Variants in GRID2 observed in about 807,000 individuals in gnomAD.
GRID2 encodes the protein glutamate receptor ionotropic, delta-2.
A neutral mutation model predicts 114.8 loss-of-function variants in GRID2; 33 were observed. The ratio of observed to expected loss-of-function variants is 0.29; its 90% CI spans 0.22 to 0.38. GRID2 has a LOEUF of 0.38. GRID2 is among the 10% of genes least tolerant of loss of function. The pLI is 1.00. For missense variants in GRID2, 1,184 were observed against 1,257.7 expected, an observed-to-expected ratio of 0.94 and a Z score of 0.89; for synonymous variants, 505 against 449.9, an observed-to-expected ratio of 1.12 and a Z score of -1.55.
chr4:93,741,175 A>ATATATATATATATATATATATATACG (rs1560963473), intron 14 of GRID2, among the ~76,000 whole-genome samples: 15 of 15,628 alleles, frequency 9.6e-4, no homozygotes, highest in African/African-American at 5.0e-3. Context: ...ATATATATAC[A>ATATATATATATATATATATATATACG]TATATATATA....
chr4:92,446,722 A>G (rs982639995), intron 1 of GRID2, among the ~76,000 whole-genome samples: 1 of 152,180 alleles, frequency 6.6e-6, no homozygotes, highest in Non-Finnish European at 1.5e-5. Flanking sequence ...GAGAACTTAC[A>G]TAGAGTTACT....
chr4:93,267,316 G>T (rs1750963161), intron 8 of GRID2, among the ~76,000 whole-genome samples: 2 of 152,142 alleles, frequency 1.3e-5, no homozygotes, highest in African/African-American at 4.8e-5. Flanking sequence ...GGCTGGGAAA[G>T]CCTGCACTCA....
At chr4:93,552,784 GC>G (rs1325409895) in intron 13 of GRID2, among the ~76,000 whole-genome samples, 6 of 41,352 alleles carry the variant, frequency 1.5e-4, no homozygotes, top group Non-Finnish European at 2.6e-4. Context: ...CCCTCCCCCA[GC>G]CCCCCACCCC....
intron 8 of GRID2, among the ~76,000 whole-genome samples, chr4:93,357,517 A>G (rs2149269723): frequency 6.6e-6 from 1 of 151,118 alleles, no homozygotes; most frequent in Admixed American, 6.6e-5. Context: ...TCCTTTTTAT[A>G]GTTTCTGCTC....
chr4:92,939,181 A>G (rs1307017850), intron 2 of GRID2, among the ~76,000 whole-genome samples: 2 of 147,516 alleles, frequency 1.4e-5, no homozygotes, highest in East Asian at 4.3e-4. Flanking sequence ...AGTCCCACCA[A>G]CAGTGTAAAA....
intron 2 of GRID2, among the ~76,000 whole-genome samples, chr4:92,959,208 G>T (rs1051233888): frequency 6.7e-6 from 1 of 149,208 alleles, no homozygotes. Context: ...CTGGTTTTTA[G>T]TACTACTATT....
At chr4:92,969,308 A>G (rs529880009) in intron 2 of GRID2, among the ~76,000 whole-genome samples, 1 of 151,876 alleles carries the variant, frequency 6.6e-6, no homozygotes, top group Admixed American at 6.6e-5. Flanking sequence ...CCAACTATAG[A>G]TAAAGAATTT....
At chr4:92,484,872 A>T (rs1330492364) in intron 1 of GRID2, among the ~76,000 whole-genome samples, 2 of 152,090 alleles carry the variant, frequency 1.3e-5, no homozygotes, top group African/African-American at 4.8e-5. Context: ...TATGCATTAT[A>T]ATTTCTCATA....
intron 2 of GRID2, among the ~76,000 whole-genome samples, chr4:92,720,283 A>G (rs755217382): frequency 1.3e-5 from 2 of 152,028 alleles, no homozygotes; most frequent in African/African-American, 4.8e-5. Context: ...TCACTTCACT[A>G]TGTGTGCAAT....
At chr4:93,799,192 A>G (rs1734868829) in intron 1 of GRID2, among the ~76,000 whole-genome samples, 1 of 152,226 alleles carries the variant, frequency 6.6e-6, no homozygotes, top group Non-Finnish European at 1.5e-5. Flanking sequence ...GTTTACTATA[A>G]GTAAGTCATT....
chr4:93,060,442 C>A (rs909724294), intron 2 of GRID2, among the ~76,000 whole-genome samples: 1 of 151,988 alleles, frequency 6.6e-6, no homozygotes, highest in East Asian at 1.9e-4. Flanking sequence ...TGTCAATTTT[C>A]TAGATATTTG....
intron 2 of GRID2, among the ~76,000 whole-genome samples, chr4:92,668,833 A>G (rs891974702): frequency 6.6e-6 from 1 of 151,926 alleles, no homozygotes; most frequent in Non-Finnish European, 1.5e-5. Context: ...CTTGCCAAGT[A>G]GTCAGTATTT....
At chr4:93,217,583 A>T (rs1744382757) in intron 6 of GRID2, among the ~76,000 whole-genome samples, 1 of 151,234 alleles carries the variant, frequency 6.6e-6, no homozygotes, top group African/African-American at 2.4e-5. Context: ...TGCTCTGGAG[A>T]TCTCAATATG....
chr4:93,554,916 A>G (rs1306174374), intron 13 of GRID2, among the ~76,000 whole-genome samples: 1 of 152,142 alleles, frequency 6.6e-6, no homozygotes, highest in Non-Finnish European at 1.5e-5. Flanking sequence ...CTCGGCTCAT[A>G]TCATTGGGAC....
intron 3 of GRID2, among the ~76,000 whole-genome samples, chr4:93,093,639 A>G (rs1016979110): frequency 1.3e-5 from 2 of 151,868 alleles, no homozygotes; most frequent in African/African-American, 4.8e-5. Flanking sequence ...TCCCTCTCCC[A>G]CTGAAACCCC....
At chr4:93,482,432 A>G (rs1725962817) in intron 11 of GRID2, among the ~76,000 whole-genome samples, 1 of 152,006 alleles carries the variant, frequency 6.6e-6, no homozygotes, top group Non-Finnish European at 1.5e-5. Context: ...AAACTAACAC[A>G]GGAACAGAAA....
chr4:93,194,105 G>A (rs932889481), intron 4 of GRID2, among the ~76,000 whole-genome samples: 9 of 152,142 alleles, frequency 5.9e-5, no homozygotes, highest in Admixed American at 5.2e-4. Context: ...AACCTGGAAT[G>A]GAATGTAAGA....
intron 4 of GRID2, among the ~76,000 whole-genome samples, chr4:93,127,013 G>A (rs1002944695): frequency 6.6e-6 from 1 of 152,138 alleles, no homozygotes; most frequent in Non-Finnish European, 1.5e-5. Context: ...TTTCAGTTGT[G>A]TGACACTGCT....
chr4:93,371,209 TA>T (rs1013378867), intron 8 of GRID2, among the ~76,000 whole-genome samples: 1 of 152,202 alleles, frequency 6.6e-6, no homozygotes, highest in African/African-American at 2.4e-5. Context: ...TGAAGTAAAC[TA>T]ATGCCAAGTT....
Sources: gnomAD v4.1 joint callset for allele counts (sites outside exome capture counted in the v4.1 genomes callset) on GRCh38, gnomAD v4.1.1 for gene constraint, MANE v1.5 for transcripts, NCBI Gene and HGNC (gene_info 2026-07-23, HGNC 2026-07-21) for gene names.